SCAI: variants seen among roughly 807,000 people sequenced by gnomAD.
The protein encoded by SCAI is suppressor of cancer cell invasion, also known as protein SCAI.
In SCAI, 24 loss-of-function variants were observed where a neutral mutation model predicts 92.2. That is an observed-to-expected ratio of 0.26 (90% confidence interval 0.19 to 0.37). The LOEUF is 0.37. Ranked by LOEUF, SCAI falls within the 10% of genes least tolerant of loss-of-function variation. SCAI has a pLI of 1.00. For missense variants in SCAI, 450 were observed against 736.2 expected (o/e 0.61, Z 4.50); for synonymous variants, 261 against 258.6 (o/e 1.01, Z -0.09).
At chr9:125,024,828 G>A (rs1832937618) in intron 6 of SCAI, among the ~76,000 whole-genome samples, 1 of 152,114 alleles carries the variant, frequency 6.6e-6, no homozygotes, top group Non-Finnish European at 1.5e-5. Flanking sequence ...TAGGAGGAGT[G>A]GCTGTATGTA....
At chr9:125,054,410 AT>A (rs376483847) in intron 3 of SCAI, among the ~76,000 whole-genome samples, 19 of 152,070 alleles carry the variant, frequency 1.2e-4, no homozygotes, top group African/African-American at 3.9e-4. Flanking sequence ...TTTTTTTATA[AT>A]TTCCTCATAG....
rs148878679 is a variant in SCAI at position 125,099,223 on chromosome 9, C to G, written c.99-43216G>C. Among the ~76,000 whole-genome samples, 30 of 151,904 alleles carry G rather than the reference C, an allele frequency of 2.0e-4. No individual in the cohort carries two copies. In the East Asian group the frequency reaches 4.6e-3, roughly 23 times the overall value. ...GAGAAAATATATATGCAGATACTTC[C>G]CCAAATTAAACTAAGCATGATGTAA... On this transcript the variant is annotated intron_variant, in intron 2 of 17. Transcript: ENST00000336505.
At chr9:125,028,579 A>G (rs1281397609) in intron 4 of SCAI, 101 bp from the exon 5 acceptor site, 3 of 493,788 alleles carry the variant, frequency 6.1e-6, no homozygotes, top group South Asian at 4.6e-5. Flanking sequence ...CAATTCAGCA[A>G]AGCTAATGAA....
chr9:124,946,970 A>G lies in SCAI; in HGVS notation c.*5837T>C, dbSNP rs1229911791. 6.6e-6 allele frequency: 1 copy of G among 152,214 alleles called. No homozygotes were observed. Among genetic ancestry groups the G allele is most frequent in the Non-Finnish European group, 1.5e-5 (1 of 68,034 alleles). The allele number at this position is 152,214 out of a possible 1,614,324, so 9.4% of individuals were successfully genotyped here. On this transcript the variant is annotated 3_prime_UTR_variant, in exon 18 of 18. Transcript: ENST00000336505. This position sits in a 1 kb window ranked among gnomAD's most constrained non-coding sequence, Gnocchi z 4.0. The stretch of plus-strand genomic sequence containing the variant: ...CATAGCTGCTGCAAATATACAAATT[A>G]ACAACCTCCCGTTCCTCACTAAATC...
chr9:124,994,962 A>G lies in SCAI; in HGVS notation c.1298T>C (p.Val433Ala). The G allele has an allele frequency of 6.2e-7, 1 of 1,613,018 alleles. No individual in the cohort carries two copies. The highest frequency in any genetic ancestry group is 8.5e-7 in the Non-Finnish European group (1 of 1,179,644). The change falls in exon 14 of 18, where the codon GTG (valine) becomes GCG (alanine). Residue 433 changes from valine to alanine, a missense_variant. Val to Ala is a moderately conservative substitution (Grantham distance 64). Around this residue, in one of 3 missense-constraint regions of SCAI, gnomAD observed 360 missense variants for 601.8 expected, o/e 0.60. Transcript: ENST00000336505. The part of the protein sequence containing the change: ...PFTRKPLFII[V>A]DSSNSVAYKN... Reference sequence around the variant, plus strand: ...ATACGCAACACTATTAGACGAATCCACAATGATGAACAGTGGCTTCCTGGT... The same window carrying G: ...ATACGCAACACTATTAGACGAATCCGCAATGATGAACAGTGGCTTCCTGGT...
intron 3 of SCAI, among the ~76,000 whole-genome samples, chr9:125,044,735 C>T (rs554520875): frequency 1.3e-5 from 2 of 152,314 alleles, no homozygotes; most frequent in South Asian, 4.1e-4. Context: ...AAGGAAAGAG[C>T]TGAGGCCCTT....
At chr9:125,008,747 C>A (rs1296204583) in intron 9 of SCAI, among the ~76,000 whole-genome samples, 1 of 151,974 alleles carries the variant, frequency 6.6e-6, no homozygotes, top group Non-Finnish European at 1.5e-5. Context: ...GTAACTGAGT[C>A]CTAGAAGTGG....
chr9:125,016,569 C>T (rs894470942), intron 9 of SCAI, among the ~76,000 whole-genome samples: 4 of 151,926 alleles, frequency 2.6e-5, no homozygotes, highest in Non-Finnish European at 5.9e-5. Context: ...ATAATGAAGT[C>T]AGAAGTATCA....
At position 124,947,717 on chromosome 9, in the gene SCAI, A is replaced by G. The variant is rs1831169626; in HGVS notation, c.*5090T>C. Reference sequence around the variant, plus strand: ...ATATACATATGCCATTACAAATAAAATAAGAATTTCAAATAAATAAGGTCA... The same window carrying G: ...ATATACATATGCCATTACAAATAAAGTAAGAATTTCAAATAAATAAGGTCA... On this transcript the variant is annotated 3_prime_UTR_variant, in exon 18 of 18. Coordinates refer to ENST00000336505, the MANE Select transcript of SCAI (RefSeq NM_001144877.3). 6.6e-6 allele frequency: 1 copy of G among 152,242 alleles called. No individual in the cohort carries two copies. Among genetic ancestry groups the G allele is most frequent in the Non-Finnish European group, 1.5e-5 (1 of 68,044 alleles). 9.4% of individuals were successfully genotyped at this position (152,242 alleles called of 1,614,324 possible).
chr9:125,135,973 A>AC lies in SCAI; in HGVS notation c.98+6659_98+6660insG, dbSNP rs1167634160. On this transcript the variant is annotated intron_variant, in intron 2 of 17. Transcript: ENST00000336505. ...AACAAGCAAAACTCCATCTCAAACA[A>AC]AAAAAAAAAAAACAAAAAAAAAACC... Among the ~76,000 whole-genome samples the AC allele has an allele frequency of 8.4e-5, 12 of 143,614 alleles. No homozygotes were observed. The East Asian group carries it at 1.6e-3, about 19-fold the overall frequency. The allele number at this position is 143,614 out of a possible 152,430, so 94.2% of individuals were successfully genotyped here.
chr9:125,026,540 T>C (rs1247552364), intron 6 of SCAI, among the ~76,000 whole-genome samples: 5 of 152,206 alleles, frequency 3.3e-5, no homozygotes, highest in African/African-American at 1.2e-4. Flanking sequence ...GAGTCATTTC[T>C]TTTCTATTAA....
intron 14 of SCAI, among the ~76,000 whole-genome samples, chr9:124,984,213 G>A (rs1831942421): frequency 6.6e-6 from 1 of 152,216 alleles, no homozygotes; most frequent in Non-Finnish European, 1.5e-5. Context: ...TTCAGGAACA[G>A]CAAGGGGGTC....
intron 2 of SCAI, among the ~76,000 whole-genome samples, chr9:125,056,536 T>C (rs1396224164): frequency 6.6e-6 from 1 of 152,112 alleles, no homozygotes; most frequent in African/African-American, 2.4e-5. Flanking sequence ...TGGAACCATA[T>C]TAGAAAGCAA....
intron 2 of SCAI, among the ~76,000 whole-genome samples, chr9:125,141,607 C>T (rs1835667367): frequency 6.6e-6 from 1 of 152,190 alleles, no homozygotes; most frequent in African/African-American, 2.4e-5. Context: ...TTCAACCATT[C>T]GAGTTAACTA....
At chr9:124,997,348 G>A (rs2131624885) in intron 13 of SCAI, among the ~76,000 whole-genome samples, 1 of 152,186 alleles carries the variant, frequency 6.6e-6, no homozygotes, top group Middle Eastern at 3.4e-3. Context: ...CAATTTCATG[G>A]GTCCCATCCC....
In SCAI at chr9:124,948,906, AT is replaced by A. The variant is rs1831193076; in HGVS notation, c.*3900del. On this transcript the variant is annotated 3_prime_UTR_variant, in exon 18 of 18. Coordinates refer to ENST00000336505, the MANE Select transcript of SCAI (RefSeq NM_001144877.3). ...TAAAATTAAATACATTAGGGTTTAAATTTTTTTATAAAGGGCAGGTGGTATG... is the reference window on the plus strand; with the variant it reads ...TAAAATTAAATACATTAGGGTTTAAATTTTTTATAAAGGGCAGGTGGTATG... 6.6e-6 allele frequency: 1 copy of A among 152,202 alleles called. No individual in the cohort carries two copies. The highest frequency in any genetic ancestry group is 6.5e-5 in the Admixed American group (1 of 15,276). The allele number at this position is 152,202 out of a possible 1,614,324, so 9.4% of individuals were successfully genotyped here.
intron 9 of SCAI, among the ~76,000 whole-genome samples, chr9:125,011,894 A>G (rs1178405309): frequency 1.2e-4 from 19 of 152,250 alleles, no homozygotes; most frequent in Admixed American, 1.2e-3. Context: ...CTTAAAGAAA[A>G]GAATTTTCAA....
Position 125,029,727 on chromosome 9 carries a change from T to A in SCAI, c.243A>T (p.Gln81His), listed in dbSNP as rs767683920. 6.2e-7 allele frequency: 1 copy of A among 1,605,200 alleles called. No homozygotes were observed. The highest frequency in any genetic ancestry group is 8.5e-7 in the Non-Finnish European group (1 of 1,173,140). ...AGGACTGCCACTGCTTCTGTCCATA[T>A]TGTGGCAAATCTCTGTAATAGTAAA... ...QLFNGLRDLP[Q>H]YGQKQWQSYF... Residue 81 changes from glutamine (Q) to histidine (H), a missense_variant, in exon 4 of 18, where the codon CAA (glutamine) becomes CAT (histidine). Gln to His is a conservative substitution (Grantham distance 24). Coordinates refer to ENST00000336505, the MANE Select transcript of SCAI (RefSeq NM_001144877.3).
At position 124,944,100 on chromosome 9, in the gene SCAI, A is replaced by G. The variant is rs1831101923; in HGVS notation, c.*8707T>C. On this transcript the variant is annotated 3_prime_UTR_variant, in exon 18 of 18. Transcript: ENST00000336505. ...CTAAAGGTTTCTCTGATTGTTGAACAGCAAGGTTTATTAAAAATAAGCAAA... is the reference window on the plus strand; with the variant it reads ...CTAAAGGTTTCTCTGATTGTTGAACGGCAAGGTTTATTAAAAATAAGCAAA... 1 of 152,224 alleles carries G rather than the reference A, an allele frequency of 6.6e-6. No individual in the cohort carries two copies. Among genetic ancestry groups the G allele is most frequent in the African/African-American group, 2.4e-5 (1 of 41,460 alleles). 9.4% of individuals were successfully genotyped at this position (152,224 alleles called of 1,614,324 possible).
Sources: allele counts gnomAD v4.1 joint callset (sites outside exome capture counted in the v4.1 genomes callset), GRCh38; gene constraint gnomAD v4.1.1; regional missense constraint gnomAD v4.1.1; non-coding constraint Gnocchi (gnomAD v3.1); transcripts MANE v1.5; gene names NCBI Gene and HGNC (gene_info 2026-07-23, HGNC 2026-07-21).